The following DRC11 variants were observed in gnomAD, a reference collection of about 807,000 sequenced individuals.
The protein encoded by DRC11 is IQ and AAA domain-containing protein 1.
the DRC11 span, among the ~76,000 whole-genome samples, chr2:236,430,457 TGTTCTGC>T: frequency 3.3e-5 from 5 of 152,260 alleles, no homozygotes; most frequent in Admixed American, 6.5e-5. This position sits in a 1 kb window ranked among gnomAD's most constrained non-coding sequence, Gnocchi z 6.0. Flanking sequence ...ATACTGTTCT[TGTTCTGC>T]GTTTTTCACC....
At chr2:236,361,530 AAGGAC>A in the DRC11 span, among the ~76,000 whole-genome samples, 1 of 152,228 alleles carries the variant, frequency 6.6e-6, no homozygotes, top group African/African-American at 2.4e-5. This position sits in a 1 kb window ranked among gnomAD's most constrained non-coding sequence, Gnocchi z 5.7. Flanking sequence ...TAAGAAAATG[AAGGAC>A]AGAGATAATA....
the DRC11 span, among the ~76,000 whole-genome samples, chr2:236,308,320 AC>A: frequency 2.2e-4 from 34 of 151,372 alleles, no homozygotes; most frequent in Admixed American, 3.9e-4. The surrounding 1 kb of genome is among the most constrained non-coding windows in gnomAD (Gnocchi z 6.0). Flanking sequence ...CATCCAGGAG[AC>A]CCCCCTTGGA....
the DRC11 span, among the ~76,000 whole-genome samples, chr2:236,480,725 C>T: frequency 6.6e-6 from 1 of 152,196 alleles, no homozygotes; most frequent in South Asian, 2.1e-4. Context: ...TAGTGTCAGT[C>T]ACTGGCTTCT....
the DRC11 span, among the ~76,000 whole-genome samples, chr2:236,435,302 C>G: frequency 6.6e-6 from 1 of 152,238 alleles, no homozygotes; most frequent in Non-Finnish European, 1.5e-5. Flanking sequence ...ACGTGAACAG[C>G]ATCCATGGCA....
chr2:236,429,998 T>G, the DRC11 span, among the ~76,000 whole-genome samples: 2 of 152,072 alleles, frequency 1.3e-5, no homozygotes, highest in African/African-American at 4.8e-5. This position sits in a 1 kb window ranked among gnomAD's most constrained non-coding sequence, Gnocchi z 5.9. Context: ...CAGGTGGTTG[T>G]GTGGTGGTCT....
At chr2:236,375,308 A>G in the DRC11 span, among the ~76,000 whole-genome samples, 1 of 152,200 alleles carries the variant, frequency 6.6e-6, no homozygotes, top group Non-Finnish European at 1.5e-5. The surrounding 1 kb of genome is among the most constrained non-coding windows in gnomAD (Gnocchi z 4.2). Flanking sequence ...ATTAATAATT[A>G]GTTGAGAAGT....
the DRC11 span, among the ~76,000 whole-genome samples, chr2:236,400,157 G>A: frequency 2.6e-5 from 4 of 152,162 alleles, no homozygotes; most frequent in Non-Finnish European, 5.9e-5. The surrounding 1 kb of genome is among the most constrained non-coding windows in gnomAD (Gnocchi z 7.9). Flanking sequence ...TGTGCTGCTT[G>A]CCAGTTCTAG....
the DRC11 span, among the ~76,000 whole-genome samples, chr2:236,387,341 G>A: frequency 6.6e-6 from 1 of 152,066 alleles, no homozygotes. Context: ...ATGAATCTGG[G>A]TGCTCCTGTA....
the DRC11 span, among the ~76,000 whole-genome samples, chr2:236,452,761 G>C: frequency 7.9e-4 from 120 of 152,314 alleles, 1 homozygote; most frequent in African/African-American, 2.8e-3. The surrounding 1 kb of genome is among the most constrained non-coding windows in gnomAD (Gnocchi z 4.7). Context: ...ACTCAAGACC[G>C]AAGTGTCCTT....
At chr2:236,446,470 T>G in the DRC11 span, among the ~76,000 whole-genome samples, 1 of 152,216 alleles carries the variant, frequency 6.6e-6, no homozygotes, top group African/African-American at 2.4e-5. This position sits in a 1 kb window ranked among gnomAD's most constrained non-coding sequence, Gnocchi z 6.2. Context: ...ACGGTTCTCT[T>G]GGTTAAAAGT....
the DRC11 span, among the ~76,000 whole-genome samples, chr2:236,318,632 G>A: frequency 8.1e-4 from 107 of 131,710 alleles, no homozygotes; most frequent in African/African-American, 3.9e-3. The surrounding 1 kb of genome is among the most constrained non-coding windows in gnomAD (Gnocchi z 7.0). Context: ...TGCATATATC[G>A]TTTGTGTTTG....
the DRC11 span, among the ~76,000 whole-genome samples, chr2:236,387,742 AG>A: frequency 1.1e-4 from 17 of 149,386 alleles, no homozygotes; most frequent in African/African-American, 3.9e-4. Context: ...TAGTTGATGC[AG>A]TTTCTTCCTA....
At chr2:236,496,808 G>A in the DRC11 span, among the ~76,000 whole-genome samples, 2 of 152,216 alleles carry the variant, frequency 1.3e-5, no homozygotes, top group Non-Finnish European at 2.9e-5. The surrounding 1 kb of genome is among the most constrained non-coding windows in gnomAD (Gnocchi z 6.3). Flanking sequence ...GGAAACAGAG[G>A]AGCGGGCGCT....
the DRC11 span, among the ~76,000 whole-genome samples, chr2:236,357,004 A>ATATATTATATATCTATT: frequency 1.1e-5 from 1 of 95,026 alleles, no homozygotes; most frequent in Admixed American, 1.2e-4. Flanking sequence ...ATATATTTAT[A>ATATATTATATATCTATT]TATTCATATA....
At chr2:236,407,303 G>C in the DRC11 span, among the ~76,000 whole-genome samples, 1 of 152,176 alleles carries the variant, frequency 6.6e-6, no homozygotes, top group African/African-American at 2.4e-5. Flanking sequence ...AGAGCTTCTT[G>C]GTTATGAGTA....
At chr2:236,392,460 AT>A in the DRC11 span, 2 of 589,350 alleles carry the variant, frequency 3.4e-6, no homozygotes, top group Non-Finnish European at 5.8e-6. This position sits in a 1 kb window ranked among gnomAD's most constrained non-coding sequence, Gnocchi z 5.1. Flanking sequence ...CAATATAAAC[AT>A]AAGCCTAACT....
chr2:236,344,456 C>A, the DRC11 span: 1 of 754,106 alleles, frequency 1.3e-6, no homozygotes, highest in Non-Finnish European at 2.2e-6. Context: ...TCCTTCCTCG[C>A]TTGAAAAGGC....
At chr2:236,466,239 C>T in the DRC11 span, among the ~76,000 whole-genome samples, 1 of 152,106 alleles carries the variant, frequency 6.6e-6, no homozygotes, top group African/African-American at 2.4e-5. Flanking sequence ...ATCTACATTT[C>T]TATCTGTCTA....
the DRC11 span, among the ~76,000 whole-genome samples, chr2:236,326,060 A>G: frequency 6.6e-6 from 1 of 151,988 alleles, no homozygotes; most frequent in Non-Finnish European, 1.5e-5. Flanking sequence ...TGATTTCCCA[A>G]TTGTTTCTTT....
Sources: gnomAD v4.1 joint callset for allele counts (sites outside exome capture counted in the v4.1 genomes callset) on GRCh38, gnomAD v4.1.1 for gene constraint, Gnocchi (gnomAD v3.1) non-coding constraint, MANE v1.5 for transcripts, NCBI Gene and HGNC (gene_info 2026-07-23, HGNC 2026-07-21) for gene names.